The following PHACTR1 variants were observed in gnomAD, a reference collection of about 807,000 sequenced individuals.
PHACTR1 encodes the protein RPEL repeat containing 1.
PHACTR1 carries 16 observed loss-of-function variants against 69.2 expected under a neutral mutation model. The ratio of observed to expected loss-of-function variants is 0.23; its 90% confidence interval spans 0.16 to 0.35. The LOEUF is 0.35. Ranked by LOEUF, PHACTR1 falls within the 10% of genes least tolerant of loss-of-function variation. The pLI, the probability that PHACTR1 is intolerant of heterozygous loss-of-function variation, is 1.00. For missense variants in PHACTR1, 510 were observed against 734.7 expected (o/e 0.69, Z 3.54); for synonymous variants, 312 against 284.5 (o/e 1.10, Z -0.97).
intron 4 of PHACTR1, among the ~76,000 whole-genome samples, chr6:12,988,260 T>C (rs575035648): frequency 6.6e-6 from 1 of 152,308 alleles, no homozygotes; most frequent in Non-Finnish European, 1.5e-5. Flanking sequence ...TCATAAGCAA[T>C]TACAAGTTAA....
At chr6:13,241,103 T>A (rs534779174) in intron 10 of PHACTR1, among the ~76,000 whole-genome samples, 1 of 152,292 alleles carries the variant, frequency 6.6e-6, no homozygotes, top group East Asian at 1.9e-4. Flanking sequence ...ACCTGTGGTT[T>A]GGTAGGTATC....
chr6:12,916,043 C>T (rs1322530899), intron 4 of PHACTR1, among the ~76,000 whole-genome samples: 1 of 152,188 alleles, frequency 6.6e-6, no homozygotes, highest in Non-Finnish European at 1.5e-5. Context: ...AAGGGTAATA[C>T]ATGGGTATCT....
chr6:12,810,287 A>G (rs546601597), intron 4 of PHACTR1, among the ~76,000 whole-genome samples: 37 of 152,180 alleles, frequency 2.4e-4, no homozygotes, highest in Non-Finnish European at 4.9e-4. Context: ...CTTCATGCCA[A>G]AGTATTCTTT....
intron 4 of PHACTR1, among the ~76,000 whole-genome samples, chr6:12,965,484 TTG>T (rs1353805067): frequency 3.3e-5 from 5 of 151,136 alleles, no homozygotes; most frequent in Non-Finnish European, 7.4e-5. Context: ...TTGGTGCTTT[TTG>T]TTGGTGGTTT....
In PHACTR1 at chr6:13,038,436, G is replaced by A. The variant is rs183122022; in HGVS notation, c.251-14929G>A. ...AAAAGTACTCTAGAGGAAGAGGAAAGGGAGGAAGCCTCCCTGGGGATCAGC... is the reference window on the plus strand; with the variant it reads ...AAAAGTACTCTAGAGGAAGAGGAAAAGGAGGAAGCCTCCCTGGGGATCAGC... On this transcript the variant is annotated intron_variant, in intron 4 of 14. Coordinates refer to ENST00000332995, the MANE Select transcript of PHACTR1 (RefSeq NM_030948.6). Among the ~76,000 whole-genome samples, 189 of 151,256 alleles carry A rather than the reference G, an allele frequency of 1.2e-3. No homozygotes were observed. In the Middle Eastern group the frequency reaches 0.014, roughly 11 times the overall value.
intron 10 of PHACTR1, among the ~76,000 whole-genome samples, chr6:13,244,644 G>C (rs947580154): frequency 1.3e-5 from 2 of 152,224 alleles, no homozygotes; most frequent in African/African-American, 4.8e-5. Context: ...TGAAGGAAGA[G>C]AAATATGGCT....
chr6:12,906,681 T>C (rs1199359250), intron 4 of PHACTR1, among the ~76,000 whole-genome samples: 1 of 152,160 alleles, frequency 6.6e-6, no homozygotes, highest in Non-Finnish European at 1.5e-5. Context: ...CATCTCTTGG[T>C]TCTGTTGTCT....
rs184766978 is a variant in PHACTR1, at chr6:13,120,994, C to T, written c.416-39210C>T. Among the ~76,000 whole-genome samples, 431 of 152,208 alleles carry T rather than the reference C, an allele frequency of 2.8e-3. 3 individuals carry two copies. Among genetic ancestry groups the T allele is most frequent in the Non-Finnish European group, 4.5e-3 (308 of 68,012 alleles). ...CTAGTCTAAAGAACATGAGGTCTGC[C>T]GGGCATTCAGACAGGTGCAGCTGAC... On this transcript the variant is annotated intron_variant, in intron 5 of 14. Coordinates refer to ENST00000332995, the MANE Select transcript of PHACTR1 (RefSeq NM_030948.6).
intron 4 of PHACTR1, among the ~76,000 whole-genome samples, chr6:12,941,940 C>CTTTGATA (rs1241817298): frequency 6.6e-6 from 1 of 152,128 alleles, no homozygotes; most frequent in Non-Finnish European, 1.5e-5. Flanking sequence ...ACAGAGAGTT[C>CTTTGATA]TTTGATATTT....
At position 13,278,260 on chromosome 6, in the gene PHACTR1, T is replaced by G. The variant is rs1199316199; in HGVS notation, c.1448-8T>G. On this transcript the variant is annotated splice_polypyrimidine_tract_variant and splice_region_variant and intron_variant, in intron 11 of 14. Coordinates refer to ENST00000332995, the MANE Select transcript of PHACTR1 (RefSeq NM_030948.6). ...GAAATAAAAAAACATCTTAAATATTTTTTTTAGCTCGGAATGAACAAGAGG... is the reference window on the plus strand; with the variant it reads ...GAAATAAAAAAACATCTTAAATATTGTTTTTAGCTCGGAATGAACAAGAGG... The G allele has an allele frequency of 6.3e-7, 1 of 1,577,594 alleles. No homozygotes were observed. Among genetic ancestry groups the G allele is most frequent in the East Asian group, 2.3e-5 (1 of 42,994 alleles).
intron 4 of PHACTR1, among the ~76,000 whole-genome samples, chr6:12,885,959 G>T (rs1783592833): frequency 1.3e-5 from 2 of 152,162 alleles, no homozygotes; most frequent in Non-Finnish European, 2.9e-5. Flanking sequence ...GCCAGGCCTG[G>T]TGGATGGCAC....
chr6:12,894,697 T>C (rs1474936786), intron 4 of PHACTR1, among the ~76,000 whole-genome samples: 3 of 152,234 alleles, frequency 2.0e-5, no homozygotes, highest in African/African-American at 7.2e-5. Context: ...TCCTGCTACA[T>C]GTTAAGTCAC....
At chr6:13,082,814 C>A (rs1014324855) in intron 5 of PHACTR1, among the ~76,000 whole-genome samples, 1 of 151,838 alleles carries the variant, frequency 6.6e-6, no homozygotes, top group Non-Finnish European at 1.5e-5. Flanking sequence ...TTGTAAATTT[C>A]TTTGAGTTCA....
chr6:12,894,102 A>C (rs563866943), intron 4 of PHACTR1, among the ~76,000 whole-genome samples: 1 of 152,198 alleles, frequency 6.6e-6, no homozygotes, highest in East Asian at 1.9e-4. Flanking sequence ...ATTGCAGTTG[A>C]ATGATTGGGC....
chr6:12,805,567 C>T (rs1318326238), intron 4 of PHACTR1, among the ~76,000 whole-genome samples: 1 of 151,680 alleles, frequency 6.6e-6, no homozygotes, highest in African/African-American at 2.4e-5. Flanking sequence ...TGAATGGCTT[C>T]TTTCTTTCTT....
At chr6:12,845,058 TGG>T (rs1779068038) in intron 4 of PHACTR1, among the ~76,000 whole-genome samples, 1 of 152,226 alleles carries the variant, frequency 6.6e-6, no homozygotes, top group Non-Finnish European at 1.5e-5. Context: ...AAAGCCATAA[TGG>T]TATACATGTA....
intron 5 of PHACTR1, among the ~76,000 whole-genome samples, chr6:13,136,542 T>A (rs1821573044): frequency 1.3e-5 from 2 of 152,272 alleles, no homozygotes; most frequent in South Asian, 4.1e-4. Flanking sequence ...ATCATTCATG[T>A]ATTCACTGAA....
At chr6:12,729,979 T>C (rs1414862349) in intron 3 of PHACTR1, among the ~76,000 whole-genome samples, 1 of 152,110 alleles carries the variant, frequency 6.6e-6, no homozygotes, top group Non-Finnish European at 1.5e-5. Flanking sequence ...AGAGGGAGAA[T>C]ACAGGAGGAT....
intron 11 of PHACTR1, 31 bp downstream of exon 11, chr6:13,272,946 T>C (rs758190470): frequency 6.2e-7 from 1 of 1,611,460 alleles, no homozygotes; most frequent in Admixed American, 1.7e-5. Context: ...CAATCCCTGA[T>C]GTTTTGTGGC....
Sources: allele counts gnomAD v4.1 joint callset (sites outside exome capture counted in the v4.1 genomes callset), GRCh38; gene constraint gnomAD v4.1.1; transcripts MANE v1.5; gene names NCBI Gene and HGNC (gene_info 2026-07-23, HGNC 2026-07-21).